MSRA: variants seen among roughly 807,000 people sequenced by gnomAD.
MSRA encodes mitochondrial peptide methionine sulfoxide reductase.
MSRA carries 54 observed loss-of-function variants against 31.3 expected under a neutral mutation model. That is an observed-to-expected ratio of 1.73 (90% CI 1.39 to 2.17). The LOEUF (loss-of-function observed/expected upper bound fraction) is 2.17, where lower values mean the gene tolerates loss of function less well. Among genes scored for constraint, MSRA ranks in the 30% most tolerant of loss-of-function variants. MSRA has a pLI of 0.00. For synonymous variants in MSRA, 169 were observed against 116.5 expected (o/e 1.45, Z -2.90); for missense variants, 507 against 300.9 (o/e 1.69, Z -5.07).
At chr8:10,399,717 T>C (rs904286066) in intron 5 of MSRA, among the ~76,000 whole-genome samples, 3 of 152,082 alleles carry the variant, frequency 2.0e-5, no homozygotes, top group African/African-American at 7.2e-5. Flanking sequence ...TAGCCCTATA[T>C]AGGAGGGTGC....
intron 3 of MSRA, among the ~76,000 whole-genome samples, chr8:10,255,490 C>T (rs976696673): frequency 6.6e-6 from 1 of 152,178 alleles, no homozygotes; most frequent in African/African-American, 2.4e-5. Context: ...GTCCCTTCCC[C>T]CTCGGTCCCG....
At chr8:10,245,323 A>G (rs1022973934) in intron 3 of MSRA, 100 bp downstream of exon 3, 2 of 1,155,090 alleles carry the variant, frequency 1.7e-6, no homozygotes, top group Admixed American at 2.3e-5. Context: ...ATGTTTTTTT[A>G]AAAATGTTTC....
chr8:10,422,232 A>G (rs1317169114), intron 5 of MSRA, among the ~76,000 whole-genome samples: 1 of 152,120 alleles, frequency 6.6e-6, no homozygotes, highest in African/African-American at 2.4e-5. Context: ...CCTGCCATCA[A>G]CCATGGTTGC....
At chr8:10,144,443 T>G (rs1265287194) in intron 1 of MSRA, among the ~76,000 whole-genome samples, 1 of 152,196 alleles carries the variant, frequency 6.6e-6, no homozygotes, top group African/African-American at 2.4e-5. Context: ...TTAATATTTG[T>G]GAAGCGCTTA....
At chr8:10,341,809 A>G (rs1803444573) in intron 5 of MSRA, among the ~76,000 whole-genome samples, 1 of 152,208 alleles carries the variant, frequency 6.6e-6, no homozygotes. Context: ...TGTATCCGCA[A>G]TGGGCATGAA....
At chr8:10,054,958 G>C (rs1219895973) in intron 1 of MSRA, among the ~76,000 whole-genome samples, 1 of 152,180 alleles carries the variant, frequency 6.6e-6, no homozygotes, top group Non-Finnish European at 1.5e-5. Flanking sequence ...CCCAAGTTTT[G>C]GGCAGGAAAT....
chr8:10,418,815 T>TAAAAAAAAA (rs71203323), intron 5 of MSRA, among the ~76,000 whole-genome samples: 5 of 65,994 alleles, frequency 7.6e-5, no homozygotes, highest in Admixed American at 2.9e-4. Context: ...TTACTACGAC[T>TAAAAAAAAA]AAAAAAAAAA....
chr8:10,072,257 A>C (rs1162356625), intron 1 of MSRA, among the ~76,000 whole-genome samples: 1 of 151,354 alleles, frequency 6.6e-6, no homozygotes, highest in Non-Finnish European at 1.5e-5. Flanking sequence ...TTCTTAGGCC[A>C]CTGAGTGGGG....
chr8:10,275,783 A>C (rs1421041450), intron 3 of MSRA, among the ~76,000 whole-genome samples: 4 of 152,230 alleles, frequency 2.6e-5, no homozygotes, highest in Non-Finnish European at 5.9e-5. Flanking sequence ...CAATCCATGA[A>C]AAAAGCAGGG....
At chr8:10,403,843 C>T (rs1471907172) in intron 5 of MSRA, among the ~76,000 whole-genome samples, 2 of 152,186 alleles carry the variant, frequency 1.3e-5, no homozygotes, top group East Asian at 3.9e-4. Context: ...AGTTGCCTCA[C>T]CTCTTCAGGA....
At chr8:10,139,066 A>G (rs548249508) in intron 1 of MSRA, among the ~76,000 whole-genome samples, 4 of 152,340 alleles carry the variant, frequency 2.6e-5, no homozygotes, top group Admixed American at 2.0e-4. Context: ...AAAGGCTTTC[A>G]TTACTATCCC....
intron 1 of MSRA, among the ~76,000 whole-genome samples, chr8:10,069,786 A>T (rs1320776398): frequency 1.3e-5 from 2 of 152,230 alleles, no homozygotes; most frequent in Non-Finnish European, 2.9e-5. Flanking sequence ...GAGGGGACAC[A>T]TTCAAACCAA....
intron 5 of MSRA, among the ~76,000 whole-genome samples, chr8:10,398,157 C>G (rs927771890): frequency 1.3e-5 from 2 of 152,240 alleles, no homozygotes; most frequent in East Asian, 1.9e-4. Flanking sequence ...CAAGGACTCT[C>G]TAGTAGCCTT....
rs76512843 is a variant in MSRA at position 10,291,946 on chromosome 8, G to A, written c.332-9588G>A. Among the ~76,000 whole-genome samples, 20 of 152,278 alleles carry A rather than the reference G, an allele frequency of 1.3e-4. 1 individual carries two copies. The highest frequency in any genetic ancestry group is 3.4e-3 in the Middle Eastern group (1 of 294). ...ACAAGGGTTGTTTGTTGTCACCATC[G>A]TTACATTAGTCACCGTGGAATCCTC... On this transcript the variant is annotated intron_variant, in intron 3 of 5. Coordinates refer to ENST00000317173, the MANE Select transcript of MSRA (RefSeq NM_012331.5).
intron 3 of MSRA, among the ~76,000 whole-genome samples, chr8:10,282,470 G>A (rs1232451106): frequency 6.6e-6 from 1 of 152,218 alleles, no homozygotes; most frequent in African/African-American, 2.4e-5. Flanking sequence ...ACCTAGCAAA[G>A]CCATATTTGC....
chr8:10,157,538 T>A (rs1804259989), intron 1 of MSRA, among the ~76,000 whole-genome samples: 1 of 151,706 alleles, frequency 6.6e-6, no homozygotes, highest in South Asian at 2.1e-4. Context: ...GTGGCTGGAG[T>A]AGGGGCTGGG....
intron 3 of MSRA, among the ~76,000 whole-genome samples, chr8:10,251,866 G>GT (rs1326430349): frequency 6.0e-5 from 9 of 150,972 alleles, no homozygotes; most frequent in Non-Finnish European, 1.3e-4. Context: ...CATGGTGGGG[G>GT]GGGGGGGACA....
Position 10,204,892 on chromosome 8 carries a change from C to G in MSRA, c.143-2941C>G, listed in dbSNP as rs561126286. ...GGAGTCAGAGAGCTACGACCCCTGC[C>G]CTCCCTGAGCTTGCAGTCTACTGAT... On this transcript the variant is annotated intron_variant, in intron 1 of 5. Transcript: ENST00000317173. Among the ~76,000 whole-genome samples the G allele has an allele frequency of 5.9e-5, 9 of 152,340 alleles. No individual in the cohort carries two copies. In the East Asian group the frequency reaches 1.7e-3, roughly 29 times the overall value.
chr8:10,405,248 G>A (rs1274605126), intron 5 of MSRA, among the ~76,000 whole-genome samples: 2 of 152,006 alleles, frequency 1.3e-5, no homozygotes, highest in Non-Finnish European at 2.9e-5. Context: ...CCTAGGTGGG[G>A]AGCTGCAGCT....
Sources: allele counts gnomAD v4.1 joint callset (sites outside exome capture counted in the v4.1 genomes callset), GRCh38; gene constraint gnomAD v4.1.1; transcripts MANE v1.5; gene names NCBI Gene and HGNC (gene_info 2026-07-23, HGNC 2026-07-21).